The following FRMD4A variants were observed in gnomAD, a reference collection of about 807,000 sequenced individuals.
FRMD4A encodes FERM domain containing 4A, also known as FERM domain-containing protein 4A.
A neutral mutation model predicts 129.1 loss-of-function variants in FRMD4A; 29 were observed. That is an observed-to-expected ratio of 0.22 (90% CI 0.17 to 0.31). The LOEUF is 0.31. FRMD4A is among the 10% of genes least tolerant of loss of function. FRMD4A has a pLI of 1.00. For synonymous variants in FRMD4A, 634 were observed against 571.6 expected, an observed-to-expected ratio of 1.11 and a Z score of -1.56; for missense variants, 1,272 against 1,375.8, an observed-to-expected ratio of 0.92 and a Z score of 1.19.
chr10:14,057,284 T>C (rs937924343), intron 2 of FRMD4A, among the ~76,000 whole-genome samples: 3 of 152,172 alleles, frequency 2.0e-5, no homozygotes, highest in African/African-American at 7.2e-5. Context: ...TACAGGAACA[T>C]GATTCATTCA....
intron 2 of FRMD4A, among the ~76,000 whole-genome samples, chr10:14,102,846 A>G (rs1263523659): frequency 1.3e-5 from 2 of 151,984 alleles, no homozygotes; most frequent in African/African-American, 4.8e-5. Context: ...TGTAGTCCTT[A>G]AAGAGATCTG....
rs116408036 is a variant in FRMD4A at position 13,650,701 on chromosome 10, A to G, written c.*2+1202T>C. ...TAATTGCCCATCTGTCAACTTTGCAATATTGTCCTAACTTACTTTTCAAAA... is the reference window on the plus strand; with the variant it reads ...TAATTGCCCATCTGTCAACTTTGCAGTATTGTCCTAACTTACTTTTCAAAA... On this transcript the variant is annotated intron_variant, in intron 24 of 24. Coordinates refer to ENST00000357447, the MANE Select transcript of FRMD4A (RefSeq NM_018027.5). 5.7e-3 allele frequency among the ~76,000 whole-genome samples: 875 copies of G among 152,220 alleles called. 12 individuals are homozygous for G. Among genetic ancestry groups the G allele is most frequent in the African/African-American group, 0.019 (808 of 41,512 alleles).
At chr10:13,816,457 T>C (rs1050229788) in intron 3 of FRMD4A, among the ~76,000 whole-genome samples, 4 of 152,238 alleles carry the variant, frequency 2.6e-5, no homozygotes, top group Admixed American at 1.3e-4. Context: ...GGGGGTTGTT[T>C]GTCATTGCAG....
intron 2 of FRMD4A, among the ~76,000 whole-genome samples, chr10:14,265,736 T>C (rs560462347): frequency 3.9e-5 from 6 of 152,186 alleles, no homozygotes; most frequent in African/African-American, 1.4e-4. Context: ...TTCTAGGAAA[T>C]AGAGATAGTT....
In FRMD4A at chr10:13,686,592, G is replaced by T. The variant is rs988063162; in HGVS notation, c.1117+7306C>A. 7.2e-5 allele frequency among the ~76,000 whole-genome samples: 11 copies of T among 152,322 alleles called. No homozygotes were observed. The South Asian group carries it at 2.3e-3, about 32-fold the overall frequency. On this transcript the variant is annotated intron_variant, in intron 15 of 24. Transcript: ENST00000357447. ...TTCTCCCAGAACAGAAAGTGTCAGA[G>T]CCAGGGTACAATGACAGACTGCAAG...
At chr10:13,895,195 C>T (rs2094743415) in intron 2 of FRMD4A, among the ~76,000 whole-genome samples, 1 of 152,142 alleles carries the variant, frequency 6.6e-6, no homozygotes, top group Admixed American at 6.5e-5. Flanking sequence ...AGGTATTAAG[C>T]CTATTACCCA....
In FRMD4A at chr10:13,839,654, C is replaced by T. The variant is rs547337669; in HGVS notation, c.111+19193G>A. ...TTGCCACATGGTCATGTGAAAGACA[C>T]ACCGGCTCCAGGCTCAGCAAGCCAG... On this transcript the variant is annotated intron_variant, in intron 3 of 24. Coordinates refer to ENST00000357447, the MANE Select transcript of FRMD4A (RefSeq NM_018027.5). 5.3e-5 allele frequency among the ~76,000 whole-genome samples: 8 copies of T among 152,328 alleles called. No homozygotes were observed. In the East Asian group the frequency reaches 1.4e-3, roughly 26 times the overall value.
intron 3 of FRMD4A, among the ~76,000 whole-genome samples, chr10:13,839,074 C>T (rs2093923103): frequency 7.3e-6 from 1 of 136,906 alleles, no homozygotes; most frequent in South Asian, 2.4e-4. Context: ...TGGCTTACTA[C>T]AGCCTTGAAC....
At chr10:14,108,443 A>T (rs1267491222) in intron 2 of FRMD4A, among the ~76,000 whole-genome samples, 1 of 152,222 alleles carries the variant, frequency 6.6e-6, no homozygotes, top group Non-Finnish European at 1.5e-5. Flanking sequence ...ATGAGGACTG[A>T]GGTTTAAACT....
chr10:14,131,675 T>C (rs1210449462), intron 2 of FRMD4A, among the ~76,000 whole-genome samples: 1 of 152,092 alleles, frequency 6.6e-6, no homozygotes, highest in Non-Finnish European at 1.5e-5. Context: ...AAAACATATT[T>C]TAAAATCTTG....
chr10:13,674,619 T>C (rs1416052274), intron 16 of FRMD4A, among the ~76,000 whole-genome samples: 1 of 152,234 alleles, frequency 6.6e-6, no homozygotes, highest in Non-Finnish European at 1.5e-5. Flanking sequence ...ATTAACAGTA[T>C]CACATAGTGC....
rs543054909 is a variant in FRMD4A, at chr10:14,063,192, T to C, written c.46-204280A>G. 6.7e-3 allele frequency among the ~76,000 whole-genome samples: 1,015 copies of C among 152,216 alleles called. 5 individuals carry two copies. The highest frequency in any genetic ancestry group is 0.017 in the Middle Eastern group (5 of 294). ...GAATAAATCTGCTTTTTTTTTTCTT[T>C]TTAAGATTAACAGTATGTTGGTGCC... On this transcript the variant is annotated intron_variant, in intron 2 of 24. Coordinates refer to ENST00000357447, the MANE Select transcript of FRMD4A (RefSeq NM_018027.5).
At chr10:14,000,008 G>C (rs892917850) in intron 2 of FRMD4A, among the ~76,000 whole-genome samples, 4 of 152,180 alleles carry the variant, frequency 2.6e-5, no homozygotes, top group Admixed American at 2.0e-4. Flanking sequence ...TTTATCCCAG[G>C]TATTGTTGTA....
At position 13,942,837 on chromosome 10, in the gene FRMD4A, G is replaced by A. The variant is rs539711053; in HGVS notation, c.46-83925C>T. Among the ~76,000 whole-genome samples, 22 of 152,202 alleles carry A rather than the reference G, an allele frequency of 1.4e-4. No individual in the cohort carries two copies. In the South Asian group the frequency reaches 4.4e-3, roughly 30 times the overall value. On this transcript the variant is annotated intron_variant, in intron 2 of 24. Coordinates refer to ENST00000357447, the MANE Select transcript of FRMD4A (RefSeq NM_018027.5). ...AGTCCCAGCTACTCAGGAGGCTGAG[G>A]CAGGAGAATTGCTTGAACCCAGGAG...
At chr10:13,986,459 G>T (rs2095581573) in intron 2 of FRMD4A, among the ~76,000 whole-genome samples, 1 of 133,598 alleles carries the variant, frequency 7.5e-6, no homozygotes, top group Non-Finnish European at 1.6e-5. Context: ...AGAACACATG[G>T]ACACAGGAAG....
intron 2 of FRMD4A, among the ~76,000 whole-genome samples, chr10:14,220,814 G>T (rs113720876): frequency 6.9e-3 from 127 of 18,374 alleles, no homozygotes; most frequent in South Asian, 0.05. Context: ...GTGTGTGTTT[G>T]TGTGTGTGTG....
intron 2 of FRMD4A, among the ~76,000 whole-genome samples, chr10:14,293,801 G>T (rs1289692937): frequency 1.3e-5 from 2 of 152,198 alleles, no homozygotes; most frequent in Admixed American, 1.3e-4. Context: ...TGTACACACA[G>T]TGTTGTCACA....
At chr10:14,155,295 T>C (rs1564345907) in intron 2 of FRMD4A, among the ~76,000 whole-genome samples, 1 of 152,144 alleles carries the variant, frequency 6.6e-6, no homozygotes. Context: ...ACCCTATCTC[T>C]AAATAAATAC....
intron 2 of FRMD4A, among the ~76,000 whole-genome samples, chr10:13,904,022 G>A (rs1469095716): frequency 2.0e-5 from 3 of 152,134 alleles, no homozygotes; most frequent in Non-Finnish European, 4.4e-5. Context: ...ATATAATCGT[G>A]TCGCTCCACT....
Sources: gnomAD v4.1 joint callset for allele counts (sites outside exome capture counted in the v4.1 genomes callset) on GRCh38, gnomAD v4.1.1 for gene constraint, MANE v1.5 for transcripts, NCBI Gene and HGNC (gene_info 2026-07-23, HGNC 2026-07-21) for gene names.